The following CFAP47 variants were observed in gnomAD, a reference collection of about 807,000 sequenced individuals.
CFAP47 encodes the protein cilia and flagella associated protein 47.
In CFAP47, 29 loss-of-function variants were observed where a neutral mutation model predicts 148.1. That is an observed-to-expected ratio of 0.20 (90% CI 0.15 to 0.27). The LOEUF is 0.27. Among genes scored for constraint, CFAP47 ranks in the 10% least tolerant of loss-of-function variants. CFAP47 has a pLI of 1.00. For missense variants in CFAP47, 1,872 were observed against 1,697.5 expected, an observed-to-expected ratio of 1.10 and a Z score of -1.81; for synonymous variants, 664 against 577.3, an observed-to-expected ratio of 1.15 and a Z score of -2.15.
intron 53 of CFAP47, among the ~76,000 whole-genome samples, chrX:36,301,798 G>A (rs1445861664): frequency 9.0e-6 from 1 of 110,874 alleles, no homozygotes; most frequent in East Asian, 2.8e-4. Context: ...GGTTAATGCC[G>A]TGATCCCTTG....
intron 61 of CFAP47, among the ~76,000 whole-genome samples, chrX:36,362,468 C>T (rs1556019448): frequency 1.8e-5 from 2 of 112,575 alleles, no homozygotes. Flanking sequence ...CTTCCAGCCC[C>T]ATCCATGGAA....
At chrX:36,177,556 TAATAATA>T (rs770285449) in intron 39 of CFAP47, among the ~76,000 whole-genome samples, 3 of 112,438 alleles carry the variant, frequency 2.7e-5, no homozygotes, top group Non-Finnish European at 5.6e-5. Flanking sequence ...TGTGACTTAA[TAATAATA>T]TAGGTGAATC....
At chrX:36,262,734 C>T (rs1279258787) in intron 49 of CFAP47, among the ~76,000 whole-genome samples, 4 of 112,063 alleles carry the variant, frequency 3.6e-5, no homozygotes, top group African/African-American at 6.5e-5. Flanking sequence ...ATATACTCAG[C>T]GATGGGATTA....
At chrX:36,215,876 C>T (rs1257419612) in intron 45 of CFAP47, among the ~76,000 whole-genome samples, 1 of 111,645 alleles carries the variant, frequency 9.0e-6, no homozygotes, top group African/African-American at 3.3e-5. Flanking sequence ...ATGGCCCTCT[C>T]CGGGGGAGGT....
intron 57 of CFAP47, among the ~76,000 whole-genome samples, chrX:36,327,875 T>C (rs1331922647): frequency 3.6e-5 from 4 of 111,481 alleles, no homozygotes; most frequent in African/African-American, 3.3e-5. Context: ...TGAAATACCA[T>C]ATGCTCTCAC....
At chrX:36,301,899 C>A (rs2146958257) in intron 53 of CFAP47, among the ~76,000 whole-genome samples, 1 of 110,637 alleles carries the variant, frequency 9.0e-6, no homozygotes, top group African/African-American at 3.3e-5. Context: ...ATAATCCCTA[C>A]TTTTAAAGAG....
chrX:36,145,095 G>A (rs1939213398), intron 35 of CFAP47, 124 bp from the exon 36 acceptor site: 1 of 348,528 alleles, frequency 2.9e-6, no homozygotes, highest in African/African-American at 2.7e-5. Context: ...GTGTGTGTGT[G>A]TGTGTGTGTG....
chrX:35,994,753 G>A lies in CFAP47; in HGVS notation c.3099+1432G>A, dbSNP rs1205004285. On this transcript the variant is annotated intron_variant, in intron 18 of 63. Coordinates refer to ENST00000378653, the MANE Select transcript of CFAP47 (RefSeq NM_001304548.2). ...ACTTAATTCTCACTATATTTTAGAG[G>A]ATTATGCTGGGTTTTTTTTCTAATC... Among the ~76,000 whole-genome samples the A allele has an allele frequency of 3.6e-5, 4 of 110,822 alleles. No individual in the cohort carries two copies. In the South Asian group the frequency reaches 1.1e-3, roughly 31 times the overall value.
Position 36,352,682 on chromosome X carries a change from G to T in CFAP47, c.8699-847G>T, listed in dbSNP as rs782599540. Among the ~76,000 whole-genome samples, 593 of 110,229 alleles carry T rather than the reference G, an allele frequency of 5.4e-3. 1 individual carries two copies. The highest frequency in any genetic ancestry group is 0.019 in the African/African-American group (568 of 30,562). On this transcript the variant is annotated intron_variant, in intron 59 of 63. Coordinates refer to ENST00000378653, the MANE Select transcript of CFAP47 (RefSeq NM_001304548.2). The stretch of plus-strand genomic sequence containing the variant: ...ATTTATGTGGACTCCAGTACACATG[G>T]TTACAGAGCTAATGTCAAAATAATA...
chrX:36,208,693 C>T (rs781944887), intron 45 of CFAP47, among the ~76,000 whole-genome samples: 6 of 111,619 alleles, frequency 5.4e-5, no homozygotes, highest in African/African-American at 1.6e-4. Context: ...AGGTGAGGTG[C>T]GGTGGCTCAT....
At chrX:36,114,749 C>T (rs1180596832) in intron 33 of CFAP47, among the ~76,000 whole-genome samples, 1 of 111,217 alleles carries the variant, frequency 9.0e-6, no homozygotes, top group Non-Finnish European at 1.9e-5. Context: ...ATGAGGTGCT[C>T]CCAGACTGCT....
At chrX:35,956,685 A>AAAAGGAG (rs1936250989) in intron 8 of CFAP47, among the ~76,000 whole-genome samples, 1 of 111,682 alleles carries the variant, frequency 9.0e-6, no homozygotes. Flanking sequence ...TACAAAGCAG[A>AAAAGGAG]AAAAGAGAAT....
chrX:36,117,735 GC>G (rs1938665833), intron 33 of CFAP47, among the ~76,000 whole-genome samples: 1 of 111,558 alleles, frequency 9.0e-6, no homozygotes, highest in African/African-American at 3.3e-5. Flanking sequence ...CTGTGCAGAA[GC>G]TTTTTTACTT....
rs1337381170 is a variant in CFAP47 at position 36,054,994 on chromosome X, G to A, written c.4217+7931G>A. Among the ~76,000 whole-genome samples the A allele has an allele frequency of 4.6e-5, 5 of 109,374 alleles. No homozygotes were observed. The East Asian group carries it at 1.2e-3, about 25-fold the overall frequency. 95.0% of individuals were successfully genotyped at this position (109,374 alleles called of 115,157 possible). On this transcript the variant is annotated intron_variant, in intron 26 of 63. Coordinates refer to ENST00000378653, the MANE Select transcript of CFAP47 (RefSeq NM_001304548.2). ...TCACCGTGTTAGCCAGGATGGTCTC[G>A]ATCTCCTGACCTCATGATCCACCCG...
At chrX:36,086,275 G>A (rs57179487) in intron 30 of CFAP47, among the ~76,000 whole-genome samples, 2,929 of 111,944 alleles carry the variant, frequency 0.026, 91 homozygotes, top group African/African-American at 0.09. Context: ...TTTAGCCTGC[G>A]CTTGCAACAT....
At chrX:35,972,830 A>G (rs1201843483) in intron 13 of CFAP47, among the ~76,000 whole-genome samples, 1 of 111,272 alleles carries the variant, frequency 9.0e-6, no homozygotes, top group Non-Finnish European at 1.9e-5. Flanking sequence ...TGCTATGAAC[A>G]TTCACATAAA....
At chrX:36,073,076 A>G (rs1478783912) in intron 28 of CFAP47, 63 bp from the exon 29 acceptor site, 4 of 777,256 alleles carry the variant, frequency 5.1e-6, no homozygotes, top group Non-Finnish European at 7.7e-6. Context: ...AATGACAATA[A>G]CTGACAGAAT....
intron 57 of CFAP47, among the ~76,000 whole-genome samples, chrX:36,325,181 G>T (rs782415363): frequency 9.0e-6 from 1 of 111,617 alleles, no homozygotes; most frequent in South Asian, 3.7e-4. Context: ...AATGGAAAAC[G>T]GTGTCATTTA....
intron 51 of CFAP47, among the ~76,000 whole-genome samples, chrX:36,290,532 T>C (rs1261844110): frequency 3.6e-5 from 4 of 112,257 alleles, no homozygotes; most frequent in African/African-American, 1.3e-4. Flanking sequence ...ATTCAACTCC[T>C]TCTCAGTGTT....
Sources: gnomAD v4.1 joint callset for allele counts (sites outside exome capture counted in the v4.1 genomes callset) on GRCh38, gnomAD v4.1.1 for gene constraint, MANE v1.5 for transcripts, NCBI Gene and HGNC (gene_info 2026-07-23, HGNC 2026-07-21) for gene names.